SH3TC2: variants seen among roughly 807,000 people sequenced by gnomAD.
The protein encoded by SH3TC2 is SH3 domain and tetratricopeptide repeat-containing protein 2.
Under a neutral mutation model 124.5 loss-of-function variants are expected in SH3TC2, and 87 were observed. The ratio of observed to expected loss-of-function variants is 0.70; its 90% CI spans 0.59 to 0.84. The LOEUF (loss-of-function observed/expected upper bound fraction) is 0.84. Among genes scored for constraint, SH3TC2 ranks in the 40% least tolerant of loss-of-function variants. The pLI, the probability that SH3TC2 is intolerant of heterozygous loss-of-function variation, is 0.00. For synonymous variants in SH3TC2, 634 were observed against 628.5 expected, an observed-to-expected ratio of 1.01 and a Z score of -0.13; for missense variants, 1,536 against 1,566.4, an observed-to-expected ratio of 0.98 and a Z score of 0.33.
intron 12 of SH3TC2, among the ~76,000 whole-genome samples, chr5:149,022,644 C>T (rs1753994066): frequency 6.6e-6 from 1 of 152,128 alleles, no homozygotes; most frequent in Non-Finnish European, 1.5e-5. Flanking sequence ...ATTCAAATGT[C>T]CATCAACTGA....
chr5:149,009,045 T>C (rs1361782501), intron 14 of SH3TC2, 44 bp from the exon 15 acceptor site: 3 of 1,612,906 alleles, frequency 1.9e-6, no homozygotes, highest in Non-Finnish European at 2.5e-6. Context: ...CTAGGAATCC[T>C]CAGTGCATAC....
At chr5:149,021,868 C>A (rs1753976205) in intron 12 of SH3TC2, among the ~76,000 whole-genome samples, 2 of 142,854 alleles carry the variant, frequency 1.4e-5, no homozygotes, top group African/African-American at 2.5e-5. Flanking sequence ...TAACACCAAT[C>A]CTTCACAAAC....
Position 149,021,884 on chromosome 5 carries a change from C to CTTTT in SH3TC2, c.3053+4684_3053+4687dup, listed in dbSNP as rs869151294. On this transcript the variant is annotated intron_variant, in intron 12 of 16. Transcript: ENST00000515425. ...AACACCAATCCTTCACAAACTCTTT[C>CTTTT]TTTTTTTTTTTTTTTTTTTTTTTTT... Among the ~76,000 whole-genome samples, 8 of 32,856 alleles carry CTTTT rather than the reference C, an allele frequency of 2.4e-4. 3 individuals carry two copies. Among genetic ancestry groups the CTTTT allele is most frequent in the Non-Finnish European group, 4.4e-4 (8 of 18,212 alleles). 21.6% of individuals were successfully genotyped at this position (32,856 alleles called of 152,430 possible).
chr5:149,036,029 C>G (rs1163806110), intron 8 of SH3TC2: 1 of 152,222 alleles, frequency 6.6e-6, no homozygotes, highest in Non-Finnish European at 1.5e-5. Context: ...CACACACACA[C>G]TGTGCCAGGC....
chr5:149,010,501 A>C (rs1753766207), intron 13 of SH3TC2, 109 bp from the exon 14 acceptor site: 1 of 1,455,460 alleles, frequency 6.9e-7, no homozygotes, highest in South Asian at 1.2e-5. Flanking sequence ...TCCTCTGCTA[A>C]AGTCCCCCAA....
chr5:149,042,579 T>G lies in SH3TC2; in HGVS notation c.529+115A>C, dbSNP rs148456305. ...TACTATTATAACAGGTGGGTTCATTTGTGAATATTCCATGTTTGAATGATT... is the reference window on the plus strand; with the variant it reads ...TACTATTATAACAGGTGGGTTCATTGGTGAATATTCCATGTTTGAATGATT... On this transcript the variant is annotated intron_variant, in intron 5 of 16. Coordinates refer to ENST00000515425, the MANE Select transcript of SH3TC2 (RefSeq NM_024577.4). 7.8e-4 allele frequency: 1,035 copies of G among 1,335,020 alleles called. 4 individuals carry two copies. Among genetic ancestry groups the G allele is most frequent in the African/African-American group, 7.6e-3 (525 of 69,484 alleles). The allele number at this position is 1,335,020 out of a possible 1,614,324, so 82.7% of individuals were successfully genotyped here. A position where few individuals can be genotyped will look rare whatever the true frequency, so the allele number is the denominator to read the frequency against.
intron 1 of SH3TC2, among the ~76,000 whole-genome samples, chr5:149,057,823 A>G (rs1422581): frequency 0.25 from 37,984 of 152,120 alleles, 5,428 homozygotes; most frequent in African/African-American, 0.37. Flanking sequence ...TGTAGTCTAT[A>G]TGGAGCTGAC....
chr5:149,005,195 T>C (rs1400649894), intron 16 of SH3TC2, among the ~76,000 whole-genome samples: 2 of 152,108 alleles, frequency 1.3e-5, no homozygotes, highest in Admixed American at 1.3e-4. Context: ...TTCAGGGATG[T>C]GTACATGACC....
rs1430299238 is a variant in SH3TC2, at chr5:148,993,189, T to C, written c.*11522A>G. Among the ~76,000 whole-genome samples the C allele has an allele frequency of 6.6e-6, 1 of 152,218 alleles. No individual in the cohort carries two copies. Among genetic ancestry groups the C allele is most frequent in the African/African-American group, 2.4e-5 (1 of 41,460 alleles). On this transcript the variant is annotated 3_prime_UTR_variant, in exon 17 of 17. Coordinates refer to ENST00000515425, the MANE Select transcript of SH3TC2 (RefSeq NM_024577.4). ...CTAACCTACACAAAGAATGTGTTAA[T>C]GAGCAAACATTCACAGGGGAATCAA... is the stretch of plus-strand genomic sequence containing the variant.
At chr5:149,008,706 G>T (rs1222128151) in intron 15 of SH3TC2, 145 bp downstream of exon 15, 3 of 1,142,070 alleles carry the variant, frequency 2.6e-6, no homozygotes, top group Non-Finnish European at 3.9e-6. Context: ...TAAGCAACTT[G>T]CTTAACTAAG....
At position 149,052,125 on chromosome 5, in the gene SH3TC2, CTT is replaced by C. The variant is rs569906096; in HGVS notation, c.151+15_151+16del. The stretch of plus-strand genomic sequence containing the variant: ...CTCAACATGGAAGAATAGGGCTTGT[CTT>C]TGGCATTTGGATACCTGGATTAATG... On this transcript the variant is annotated intron_variant, in intron 2 of 16. Coordinates refer to ENST00000515425, the MANE Select transcript of SH3TC2 (RefSeq NM_024577.4). The C allele has an allele frequency of 3.8e-4, 587 of 1,556,472 alleles. 5 individuals carry two copies. The African/African-American group carries it at 7.3e-3, about 19-fold the overall frequency.
chr5:149,058,350 C>T (rs1041776470), intron 1 of SH3TC2, among the ~76,000 whole-genome samples: 2 of 152,210 alleles, frequency 1.3e-5, no homozygotes, highest in African/African-American at 4.8e-5. Context: ...TCCTCACTAA[C>T]ACTTGATGTT....
At position 148,998,608 on chromosome 5, in the gene SH3TC2, C is replaced by T. The variant is rs1753547812; in HGVS notation, c.*6103G>A. Among the ~76,000 whole-genome samples the T allele has an allele frequency of 6.6e-6, 1 of 152,226 alleles. No homozygotes were observed. The highest frequency in any genetic ancestry group is 2.4e-5 in the African/African-American group (1 of 41,458). ...GCATCCTTCCCTCTCACCTGCCTCG[C>T]AGTCTGTACTGGGAAGCCAAGCCAA... On this transcript the variant is annotated 3_prime_UTR_variant, in exon 17 of 17. Coordinates refer to ENST00000515425, the MANE Select transcript of SH3TC2 (RefSeq NM_024577.4).
rs1426610964 is a variant in SH3TC2 at position 148,992,876 on chromosome 5, G to C, written c.*11835C>G. ...ATAACATGCACAGCTCATAGGGTTT[G>C]GGTATGGCTTGGAAAATCATCATGC... On this transcript the variant is annotated 3_prime_UTR_variant, in exon 17 of 17. Coordinates refer to ENST00000515425, the MANE Select transcript of SH3TC2 (RefSeq NM_024577.4). Among the ~76,000 whole-genome samples, 10 of 152,152 alleles carry C rather than the reference G, an allele frequency of 6.6e-5. No individual in the cohort carries two copies.
At position 149,028,272 on chromosome 5, in the gene SH3TC2, T is replaced by C. The variant is rs763417948; in HGVS notation, c.1460A>G (p.Tyr487Cys). ...EGYADHFKSL[Y>C]DFSFSFLTSS... is the part of the protein sequence containing the mutation. ...AGTGAGGAAAGAGAAGGAGAAGTCATAGAGACTCTTAAAGTGGTCAGCATA... is the reference window on the plus strand; with the variant it reads ...AGTGAGGAAAGAGAAGGAGAAGTCACAGAGACTCTTAAAGTGGTCAGCATA... Residue 487 changes from tyrosine (Y) to cysteine (C), a missense_variant, in exon 11 of 17, where the codon TAT becomes TGT. Tyr to Cys is a radical substitution (Grantham distance 194). Transcript: ENST00000515425. 2 of 1,613,842 alleles carry C rather than the reference T, an allele frequency of 1.2e-6. No homozygotes were observed. Among genetic ancestry groups the C allele is most frequent in the Admixed American group, 1.7e-5 (1 of 60,012 alleles).
chr5:149,050,441 G>A (rs1754537363), intron 2 of SH3TC2, among the ~76,000 whole-genome samples: 1 of 152,162 alleles, frequency 6.6e-6, no homozygotes, highest in South Asian at 2.1e-4. Context: ...CATCAGGGTG[G>A]AAAATGCTGA....
rs1288743534 is a variant in SH3TC2 at position 148,992,213 on chromosome 5, G to A, written c.*12498C>T. On this transcript the variant is annotated 3_prime_UTR_variant, in exon 17 of 17. Transcript: ENST00000515425. Reference sequence around the variant, plus strand: ...AGATGCAGAAATGGAGGCCCAGAATGGTTAAGTGCCTTGCCCAAGGTCATG... The same window carrying A: ...AGATGCAGAAATGGAGGCCCAGAATAGTTAAGTGCCTTGCCCAAGGTCATG... Among the ~76,000 whole-genome samples the A allele has an allele frequency of 6.6e-6, 1 of 152,232 alleles. No homozygotes were observed. The highest frequency in any genetic ancestry group is 1.5e-5 in the Non-Finnish European group (1 of 68,030).
intron 12 of SH3TC2, among the ~76,000 whole-genome samples, chr5:149,015,721 C>T (rs970966273): frequency 2.0e-5 from 3 of 152,202 alleles, no homozygotes; most frequent in Non-Finnish European, 2.9e-5. Context: ...CTCTTACCAC[C>T]CGCTGCTGGG....
In SH3TC2 at chr5:148,991,901, T is replaced by C. The variant is rs1243039016; in HGVS notation, c.*12810A>G. Among the ~76,000 whole-genome samples, 1 of 152,204 alleles carries C rather than the reference T, an allele frequency of 6.6e-6. No homozygotes were observed. Among genetic ancestry groups the C allele is most frequent in the Non-Finnish European group, 1.5e-5 (1 of 68,030 alleles). On this transcript the variant is annotated 3_prime_UTR_variant, in exon 17 of 17. Transcript: ENST00000515425. ...GCACTGGAAGCTGGTATGCTGATGA[T>C]GTCATGGTGGCTCAACTTTCCTGGT...
Sources: gnomAD v4.1 joint callset for allele counts (sites outside exome capture counted in the v4.1 genomes callset) on GRCh38, gnomAD v4.1.1 for gene constraint, MANE v1.5 for transcripts, NCBI Gene and HGNC (gene_info 2026-07-23, HGNC 2026-07-21) for gene names.